OR10H3: variants seen among roughly 807,000 people sequenced by gnomAD.
OR10H3 encodes olfactory receptor 10H3.
Under a neutral mutation model 11.1 loss-of-function variants are expected in OR10H3, and 15 were observed. The ratio of observed to expected loss-of-function variants is 1.36; its 90% CI spans 0.91 to 2.09. OR10H3 has a LOEUF of 2.09. Ranked by LOEUF, OR10H3 falls within the 30% of genes most tolerant of loss-of-function variation. The pLI, the probability that OR10H3 is intolerant of heterozygous loss-of-function variation, is 0.00. For missense variants in OR10H3, 403 were observed against 391.5 expected (o/e 1.03, Z -0.25); for synonymous variants, 149 against 142.1 (o/e 1.05, Z -0.35).
intron 1 of OR10H3, among the ~76,000 whole-genome samples, chr19:15,739,406 A>G (rs1420820933): frequency 6.6e-6 from 1 of 152,090 alleles, no homozygotes; most frequent in African/African-American, 2.4e-5. Flanking sequence ...ATAATAATCT[A>G]TCTGCCAGGT....
At chr19:15,741,354 C>T (rs751950147) in intron 1 of OR10H3, 28 bp from the exon 2 acceptor site, 9 of 1,433,206 alleles carry the variant, frequency 6.3e-6, no homozygotes, top group African/African-American at 2.8e-5. Flanking sequence ...TAACCACTGT[C>T]ACTTAATTTT....
chr19:15,739,993 G>A lies in OR10H3; in HGVS notation c.-11-1389G>A, dbSNP rs568957977. ...TAATTAGCTGAGCATGGTGGCTCAT[G>A]TGTATAATCCCACCACTTTGGGAGG... On this transcript the variant is annotated intron_variant, in intron 1 of 1. Transcript: ENST00000641646. Among the ~76,000 whole-genome samples the A allele has an allele frequency of 9.9e-5, 15 of 151,072 alleles. No homozygotes were observed. The South Asian group carries it at 1.5e-3, about 15-fold the overall frequency.
At position 15,739,641 on chromosome 19, in the gene OR10H3, A is replaced by G. The variant is rs1292829966; in HGVS notation, c.-12+1590A>G. ...GGGAAGGGGAGGTTGCAGTGAGCCG[A>G]GATTGAACCATTGCACTCCAGCCTG... is the stretch of plus-strand genomic sequence containing the variant. On this transcript the variant is annotated intron_variant, in intron 1 of 1. Coordinates refer to ENST00000641646, the MANE Select transcript of OR10H3 (RefSeq NM_013938.2). 2.6e-5 allele frequency among the ~76,000 whole-genome samples: 4 copies of G among 152,076 alleles called. No homozygotes were observed. The East Asian group carries it at 7.7e-4, about 29-fold the overall frequency.
intron 1 of OR10H3, among the ~76,000 whole-genome samples, chr19:15,739,110 T>G (rs1432292751): frequency 6.6e-6 from 1 of 152,150 alleles, no homozygotes; most frequent in Non-Finnish European, 1.5e-5. Flanking sequence ...AATTATATAG[T>G]TATCTTCCAA....
chr19:15,739,455 C>T (rs1211660536), intron 1 of OR10H3, among the ~76,000 whole-genome samples: 1 of 152,154 alleles, frequency 6.6e-6, no homozygotes, highest in Non-Finnish European at 1.5e-5. Flanking sequence ...CTTTGGGAGG[C>T]TGAGGTGGGC....
At chr19:15,738,883 C>G (rs1310089288) in intron 1 of OR10H3, among the ~76,000 whole-genome samples, 1 of 151,614 alleles carries the variant, frequency 6.6e-6, no homozygotes, top group East Asian at 1.9e-4. Flanking sequence ...GGTACCTTCT[C>G]CTTGTTTATC....
chr19:15,742,274 AAGGAACAAGG>A lies in OR10H3; in HGVS notation c.885_894del (p.Arg295SerfsTer2), dbSNP rs561154419. The A allele has an allele frequency of 3.7e-4, 596 of 1,614,136 alleles. 12 individuals carry two copies. The East Asian group carries it at 0.011, about 30-fold the overall frequency. On this transcript the variant is annotated frameshift_variant, in exon 2 of 2. Transcript: ENST00000641646. LOFTEE classifies it high-confidence loss of function. ...TCCTCAGCCCAATCATTTTCAGTCT[AAGGAACAAGG>A]AGCTGAAGAATGCCATAAATAAAAA...
In OR10H3 at chr19:15,741,648, C is replaced by A. The variant is rs775338239; in HGVS notation, c.256C>A (p.Leu86Met). ...VAITPRMLADLLFTHRSITFV... is the reference protein window; with the variant it reads ...VAITPRMLADMLFTHRSITFV... ...CATCACCCCTCGCATGCTGGCTGAT[C>A]TGCTCTTCACCCATCGTTCCATCAC... The change falls in exon 2 of 2, where the codon CTG (leucine) becomes ATG (methionine). Residue 86 changes from leucine to methionine, a missense_variant. Leu to Met is a conservative substitution (Grantham distance 15, BLOSUM62 2). Coordinates refer to ENST00000641646, the MANE Select transcript of OR10H3 (RefSeq NM_013938.2). 2 of 1,614,242 alleles carry A rather than the reference C, an allele frequency of 1.2e-6. No homozygotes were observed. The highest frequency in any genetic ancestry group is 2.2e-5 in the South Asian group (2 of 91,082).
At chr19:15,739,567 TGTAATCC>T (rs2008675257) in intron 1 of OR10H3, among the ~76,000 whole-genome samples, 1 of 152,088 alleles carries the variant, frequency 6.6e-6, no homozygotes, top group Non-Finnish European at 1.5e-5. Flanking sequence ...GGCACGCGCC[TGTAATCC>T]CAGCTATTAG....
chr19:15,739,408 C>A (rs910090779), intron 1 of OR10H3, among the ~76,000 whole-genome samples: 1 of 152,012 alleles, frequency 6.6e-6, no homozygotes, highest in African/African-American at 2.4e-5. Context: ...AATAATCTAT[C>A]TGCCAGGTGT....
chr19:15,738,211 G>A (rs1300400150), intron 1 of OR10H3, among the ~76,000 whole-genome samples, 160 bp downstream of exon 1: 1 of 152,044 alleles, frequency 6.6e-6, no homozygotes, highest in Non-Finnish European at 1.5e-5. Context: ...CATAATAGGA[G>A]TAGGGTTTTA....
Position 15,742,247 on chromosome 19 carries a change from C to T in OR10H3, c.855C>T (p.Pro285=), listed in dbSNP as rs754915482. The T allele has an allele frequency of 1.8e-5, 29 of 1,614,122 alleles. No individual in the cohort carries two copies. The Middle Eastern group carries it at 4.9e-4, about 28-fold the overall frequency. ...CCACCACCTATACTGTCTTCACCCC[C>T]TTCCTCAGCCCAATCATTTTCAGTC... The part of the protein sequence containing the change: ...LMATTYTVFT[P]FLSPIIFSLR... The change falls in exon 2 of 2, where the codon CCC becomes CCT. Residue 285 remains proline, a synonymous_variant. Transcript: ENST00000641646.
Position 15,742,204 on chromosome 19 carries a change from A to G in OR10H3, c.812A>G (p.Tyr271Cys), listed in dbSNP as rs747079831. The G allele has an allele frequency of 1.2e-6, 2 of 1,613,996 alleles. No homozygotes were observed. The highest frequency in any genetic ancestry group is 1.7e-5 in the Admixed American group (1 of 60,000). Residue 271 changes from tyrosine (Y) to cysteine (C), a missense_variant, in exon 2 of 2, where the codon TAC becomes TGC. Tyr to Cys is a radical substitution (Grantham distance 194). Transcript: ENST00000641646. ...AAACCCAAGGGCCTCCATTCTATGT[A>G]CAGTGATGCCTTGATGGCCACCACC... ...YLKPKGLHSM[Y>C]SDALMATTYT...
intron 1 of OR10H3, 29 bp from the exon 2 acceptor site, chr19:15,741,353 T>A: frequency 7.0e-7 from 1 of 1,428,274 alleles, no homozygotes; most frequent in Non-Finnish European, 9.8e-7. Flanking sequence ...TTAACCACTG[T>A]CACTTAATTT....
Position 15,742,251 on chromosome 19 carries a change from C to T in OR10H3, c.859C>T (p.Leu287Phe). ...ATTYTVFTPF[L>F]SPIIFSLRNK... ...CACCTATACTGTCTTCACCCCCTTC[C>T]TCAGCCCAATCATTTTCAGTCTAAG... The change falls in exon 2 of 2, where the codon CTC becomes TTC. Residue 287 changes from leucine (L) to phenylalanine (F), a missense_variant. Coordinates refer to ENST00000641646, the MANE Select transcript of OR10H3 (RefSeq NM_013938.2). The T allele has an allele frequency of 1.2e-6, 2 of 1,614,130 alleles. No individual in the cohort carries two copies. The highest frequency in any genetic ancestry group is 1.7e-6 in the Non-Finnish European group (2 of 1,180,026).
At chr19:15,738,273 C>T (rs908468928) in intron 1 of OR10H3, among the ~76,000 whole-genome samples, 2 of 151,890 alleles carry the variant, frequency 1.3e-5, no homozygotes, top group African/African-American at 2.4e-5. Context: ...CTTTTTAAAT[C>T]GATTCCTGTG....
chr19:15,741,243 C>T, intron 1 of OR10H3, 139 bp from the exon 2 acceptor site: 1 of 598,462 alleles, frequency 1.7e-6, no homozygotes, highest in Non-Finnish European at 3.0e-6. Flanking sequence ...TTATTTACTC[C>T]ATTTAACAGA....
chr19:15,742,229 C>T lies in OR10H3; in HGVS notation c.837C>T (p.Thr279=), dbSNP rs1309033428. 1.9e-6 allele frequency: 3 copies of T among 1,614,064 alleles called. No homozygotes were observed. The highest frequency in any genetic ancestry group is 1.1e-5 in the South Asian group (1 of 91,074). Residue 279 remains threonine, a synonymous_variant, in exon 2 of 2, where the codon ACC becomes ACT. Transcript: ENST00000641646. ...SMYSDALMAT[T]YTVFTPFLSP... ...ACAGTGATGCCTTGATGGCCACCAC[C>T]TATACTGTCTTCACCCCCTTCCTCA...
rs1211204635 is a variant in OR10H3 at position 15,741,400 on chromosome 19, G to A, written c.8G>A (p.Gly3Asp). ...TCACCAGATACAGTATCCATGCCTG[G>A]TCAGAACTACAGAACCATATCTGAA... Reference protein sequence around the residue: MPGQNYRTISEFI... With the variant: MPDQNYRTISEFI... The change falls in exon 2 of 2, where the codon GGT (glycine) becomes GAT (aspartate). Residue 3 changes from glycine to aspartate, a missense_variant. Physicochemically the swap from Gly to Asp is moderately conservative, Grantham distance 94. Transcript: ENST00000641646. 2.5e-6 allele frequency: 4 copies of A among 1,610,210 alleles called. No homozygotes were observed. The highest frequency in any genetic ancestry group is 2.2e-5 in the South Asian group (2 of 90,942).
Sources: gnomAD v4.1 joint callset for allele counts (sites outside exome capture counted in the v4.1 genomes callset) on GRCh38, gnomAD v4.1.1 for gene constraint, MANE v1.5 for transcripts, NCBI Gene and HGNC (gene_info 2026-07-23, HGNC 2026-07-21) for gene names.